Variants in LRRTM3 observed in about 807,000 individuals in gnomAD.
LRRTM3 encodes the protein leucine rich repeat transmembrane neuronal 3.
In LRRTM3, 24 loss-of-function variants were observed where a neutral mutation model predicts 44.7. The observed-to-expected ratio is 0.54, with a 90% CI of 0.39 to 0.76. The LOEUF is 0.76. LRRTM3 is among the 30% of genes least tolerant of loss of function. The probability of loss-of-function intolerance (pLI) is 0.00; values close to 1 mark genes in which losing one functional copy is unlikely to be tolerated. For missense variants in LRRTM3, 587 were observed against 702.2 expected (o/e 0.84, Z 1.85); for synonymous variants, 277 against 278.7 (o/e 0.99, Z 0.06).
chr10:67,036,215 T>C (rs1854043374), intron 2 of LRRTM3, among the ~76,000 whole-genome samples: 8 of 152,056 alleles, frequency 5.3e-5, no homozygotes, highest in Admixed American at 5.2e-4. Context: ...TACAGTGGCA[T>C]GACCATGGCT....
intron 2 of LRRTM3, among the ~76,000 whole-genome samples, chr10:66,945,400 CT>C (rs1848224875): frequency 6.6e-6 from 1 of 152,148 alleles, no homozygotes. Flanking sequence ...TCAACCTTTC[CT>C]TCTGCAGCTT....
At chr10:66,960,750 C>CA (rs1341342424) in intron 2 of LRRTM3, among the ~76,000 whole-genome samples, 2 of 152,054 alleles carry the variant, frequency 1.3e-5, no homozygotes, top group East Asian at 3.9e-4. Context: ...AACAGAATGG[C>CA]ATAGGATCTA....
intron 2 of LRRTM3, among the ~76,000 whole-genome samples, chr10:66,935,716 C>A (rs949810540): frequency 6.6e-6 from 1 of 150,750 alleles, no homozygotes; most frequent in African/African-American, 2.5e-5. Flanking sequence ...TATTATGTAC[C>A]AGGAATTTGT....
intron 2 of LRRTM3, among the ~76,000 whole-genome samples, chr10:66,982,089 G>A (rs1020041574): frequency 4.6e-5 from 7 of 152,026 alleles, no homozygotes; most frequent in Non-Finnish European, 8.8e-5. Flanking sequence ...AGAATTCCAC[G>A]AAAAAGGATA....
At chr10:66,951,088 TAC>T (rs3056558) in intron 2 of LRRTM3, among the ~76,000 whole-genome samples, 26,940 of 145,772 alleles carry the variant, frequency 0.18, 2,566 homozygotes, top group African/African-American at 0.23. Context: ...TAACATTAAA[TAC>T]ACACACACAC....
chr10:66,934,003 T>C lies in LRRTM3; in HGVS notation c.1536+5551T>C, dbSNP rs61276388. 3.4e-3 allele frequency among the ~76,000 whole-genome samples: 522 copies of C among 152,174 alleles called. 4 individuals carry two copies. The highest frequency in any genetic ancestry group is 0.012 in the African/African-American group (498 of 41,522). ...TGAGTTTTCTGACATTTTAACTTCA[T>C]AGGGTCATGAATGGACGCTCTTGAG... On this transcript the variant is annotated intron_variant, in intron 2 of 2. Transcript: ENST00000361320.
chr10:66,958,794 A>T lies in LRRTM3; in HGVS notation c.1536+30342A>T, dbSNP rs957265202. On this transcript the variant is annotated intron_variant, in intron 2 of 2. Coordinates refer to ENST00000361320, the MANE Select transcript of LRRTM3 (RefSeq NM_178011.5). The stretch of plus-strand genomic sequence containing the variant: ...ACACTCTTGCATTTTGAGATCCTCC[A>T]AATATGACTGCTCAAAGAAGAAGGA... Among the ~76,000 whole-genome samples the T allele has an allele frequency of 2.0e-5, 3 of 152,144 alleles. 1 individual carries two copies. The highest frequency in any genetic ancestry group is 7.2e-5 in the African/African-American group (3 of 41,444).
intron 2 of LRRTM3, among the ~76,000 whole-genome samples, chr10:66,998,604 C>T (rs948477928): frequency 2.6e-5 from 4 of 151,896 alleles, no homozygotes; most frequent in African/African-American, 9.7e-5. Context: ...GCAAAAAAGG[C>T]ACATTGGAAA....
chr10:67,082,523 A>G (rs1857103936), intron 2 of LRRTM3, among the ~76,000 whole-genome samples: 1 of 152,202 alleles, frequency 6.6e-6, no homozygotes, highest in South Asian at 2.1e-4. Context: ...CATTTACTAT[A>G]GTAAGAAGTT....
intron 2 of LRRTM3, among the ~76,000 whole-genome samples, chr10:66,997,652 T>C (rs1256575360): frequency 1.3e-5 from 2 of 152,216 alleles, no homozygotes; most frequent in African/African-American, 4.8e-5. Context: ...ACCATCTCTC[T>C]GTTCTATCAC....
At chr10:67,033,853 C>T (rs1564844468) in intron 2 of LRRTM3, among the ~76,000 whole-genome samples, 1 of 152,134 alleles carries the variant, frequency 6.6e-6, no homozygotes, top group Non-Finnish European at 1.5e-5. Flanking sequence ...TCACCGCAAC[C>T]TCTGCCTCCC....
intron 2 of LRRTM3, among the ~76,000 whole-genome samples, chr10:66,998,731 G>A (rs1039626892): frequency 2.0e-5 from 3 of 152,126 alleles, no homozygotes; most frequent in Admixed American, 1.3e-4. Flanking sequence ...AGATTAGAAA[G>A]AGCAATTGTC....
At chr10:67,061,750 A>G (rs1333602576) in intron 2 of LRRTM3, among the ~76,000 whole-genome samples, 3 of 152,200 alleles carry the variant, frequency 2.0e-5, no homozygotes, top group Admixed American at 6.5e-5. Context: ...TTGTTTCTAA[A>G]TAGTTGATGC....
At chr10:66,968,279 T>G (rs1849541512) in intron 2 of LRRTM3, among the ~76,000 whole-genome samples, 1 of 151,382 alleles carries the variant, frequency 6.6e-6, no homozygotes, top group Non-Finnish European at 1.5e-5. Context: ...CAAGAGGCAG[T>G]TTGATTCTAC....
chr10:67,075,518 C>G (rs1233441248), intron 2 of LRRTM3, among the ~76,000 whole-genome samples: 7 of 152,166 alleles, frequency 4.6e-5, no homozygotes, highest in Non-Finnish European at 8.8e-5. Context: ...ACTTAAGATT[C>G]TCCAACGTCA....
chr10:66,932,339 T>TA (rs1726084953), intron 2 of LRRTM3, among the ~76,000 whole-genome samples: 1 of 152,146 alleles, frequency 6.6e-6, no homozygotes, highest in Admixed American at 6.6e-5. Context: ...ATCGTTTATT[T>TA]AAAGTGTGGA....
intron 2 of LRRTM3, among the ~76,000 whole-genome samples, chr10:66,938,124 T>G (rs1847812960): frequency 6.6e-6 from 1 of 152,218 alleles, no homozygotes; most frequent in South Asian, 2.1e-4. Context: ...CTATGGAAAC[T>G]TAATTGTATC....
At position 67,029,910 on chromosome 10, in the gene LRRTM3, T is replaced by C. The variant is rs993399799; in HGVS notation, c.1537-67677T>C. Among the ~76,000 whole-genome samples, 8 of 152,202 alleles carry C rather than the reference T, an allele frequency of 5.3e-5. No homozygotes were observed. In the East Asian group the frequency reaches 1.2e-3, roughly 22 times the overall value. ...GACACTGCACTGGACAATCCAGATATAGAACAGCCCCATGGCTGGCCAAAG... is the reference window on the plus strand; with the variant it reads ...GACACTGCACTGGACAATCCAGATACAGAACAGCCCCATGGCTGGCCAAAG... On this transcript the variant is annotated intron_variant, in intron 2 of 2. Coordinates refer to ENST00000361320, the MANE Select transcript of LRRTM3 (RefSeq NM_178011.5).
chr10:66,952,713 A>G (rs1447927364), intron 2 of LRRTM3, among the ~76,000 whole-genome samples: 1 of 152,020 alleles, frequency 6.6e-6, no homozygotes. Flanking sequence ...CTGACTTGCA[A>G]TTATTATCAA....
Sources: gnomAD v4.1 joint callset for allele counts (sites outside exome capture counted in the v4.1 genomes callset) on GRCh38, gnomAD v4.1.1 for gene constraint, MANE v1.5 for transcripts, NCBI Gene and HGNC (gene_info 2026-07-23, HGNC 2026-07-21) for gene names.